Variants in CCDC171 observed in about 807,000 individuals in gnomAD.
CCDC171 encodes the protein coiled-coil domain-containing protein 171.
A neutral mutation model predicts 168.2 loss-of-function variants in CCDC171; 177 were observed. That is an observed-to-expected ratio of 1.05 (90% CI 0.93 to 1.19). The LOEUF is 1.19. Ranked by LOEUF, CCDC171 falls within the 50% of genes most tolerant of loss-of-function variation. The pLI, the probability that CCDC171 is intolerant of heterozygous loss-of-function variation, is 0.00. For synonymous variants in CCDC171, 687 were observed against 540.8 expected, an observed-to-expected ratio of 1.27 and a Z score of -3.75; for missense variants, 1,991 against 1,539.0, an observed-to-expected ratio of 1.29 and a Z score of -4.91.
intron 21 of CCDC171, among the ~76,000 whole-genome samples, chr9:15,811,378 A>G (rs1296509757): frequency 1.3e-5 from 2 of 152,230 alleles, no homozygotes; most frequent in African/African-American, 2.4e-5. Context: ...ATAGTATAGA[A>G]AAAAGTGGAA....
intron 18 of CCDC171, among the ~76,000 whole-genome samples, chr9:15,752,548 G>T (rs1483991943): frequency 1.3e-5 from 2 of 152,154 alleles, no homozygotes; most frequent in Admixed American, 1.3e-4. Flanking sequence ...GTACACCATG[G>T]AATACTATGC....
At chr9:15,577,636 C>T (rs542822046) in intron 3 of CCDC171, among the ~76,000 whole-genome samples, 4 of 152,174 alleles carry the variant, frequency 2.6e-5, no homozygotes, top group Non-Finnish European at 5.9e-5. Context: ...AGAAACCATT[C>T]TAAGTCTTAA....
intron 18 of CCDC171, among the ~76,000 whole-genome samples, chr9:15,754,170 G>T (rs933338065): frequency 3.9e-5 from 6 of 152,184 alleles, no homozygotes; most frequent in Non-Finnish European, 4.4e-5. Flanking sequence ...ATATAGTCAT[G>T]TGGAGTTTCC....
chr9:15,796,569 A>T (rs1475636150), intron 21 of CCDC171, among the ~76,000 whole-genome samples: 7 of 152,214 alleles, frequency 4.6e-5, no homozygotes, highest in African/African-American at 1.7e-4. Flanking sequence ...AAATATATAT[A>T]GCTCAGTGCC....
intron 25 of CCDC171, among the ~76,000 whole-genome samples, chr9:15,929,821 A>G (rs1181098547): frequency 6.6e-6 from 1 of 151,734 alleles, no homozygotes; most frequent in Non-Finnish European, 1.5e-5. Context: ...GATTTCTCAT[A>G]TTCTAGAAAC....
At chr9:16,080,158 C>G in the CCDC171 span, among the ~76,000 whole-genome samples, 1 of 152,202 alleles carries the variant, frequency 6.6e-6, no homozygotes, top group Non-Finnish European at 1.5e-5. Flanking sequence ...CCCTCTCAGG[C>G]ACTCTCCACT....
intron 21 of CCDC171, among the ~76,000 whole-genome samples, chr9:15,793,747 C>G (rs1276739622): frequency 1.3e-5 from 2 of 151,676 alleles, no homozygotes; most frequent in Non-Finnish European, 2.9e-5. Flanking sequence ...CAGTGTTTCA[C>G]CATATTGGCT....
intron 6 of CCDC171, among the ~76,000 whole-genome samples, chr9:16,035,279 A>G (rs532024515): frequency 6.6e-6 from 1 of 152,362 alleles, no homozygotes; most frequent in Admixed American, 6.5e-5. Flanking sequence ...TTAATACATA[A>G]TTAACATGGA....
chr9:15,629,072 A>C (rs2045442918), intron 7 of CCDC171, among the ~76,000 whole-genome samples: 1 of 152,274 alleles, frequency 6.6e-6, no homozygotes, highest in East Asian at 1.9e-4. Context: ...AAAACCACAA[A>C]GATGGGGAAA....
intron 3 of CCDC171, among the ~76,000 whole-genome samples, chr9:15,979,907 C>T (rs1349417885): frequency 6.9e-6 from 1 of 145,746 alleles, no homozygotes; most frequent in African/African-American, 2.6e-5. Context: ...TCATCTTGGC[C>T]TGAGCTTTTC....
intron 24 of CCDC171, among the ~76,000 whole-genome samples, chr9:15,906,423 A>G (rs1822617060): frequency 6.6e-6 from 1 of 152,246 alleles, no homozygotes; most frequent in Non-Finnish European, 1.5e-5. Flanking sequence ...AACAAAATCC[A>G]TATGATTATC....
At chr9:15,781,601 CAG>C (rs1056169737) in intron 20 of CCDC171, among the ~76,000 whole-genome samples, 3 of 151,976 alleles carry the variant, frequency 2.0e-5, no homozygotes, top group African/African-American at 4.8e-5. Context: ...TTAGTAGAGA[CAG>C]GGTTTCACCA....
At chr9:15,963,982 C>T (rs889537327) in intron 25 of CCDC171, among the ~76,000 whole-genome samples, 1 of 152,172 alleles carries the variant, frequency 6.6e-6, no homozygotes, top group Admixed American at 6.5e-5. Flanking sequence ...TCCTTCTTTG[C>T]TCCATCCTCC....
intron 24 of CCDC171, among the ~76,000 whole-genome samples, chr9:15,905,090 A>G (rs528584304): frequency 0.011 from 1,627 of 152,294 alleles, 26 homozygotes; most frequent in African/African-American, 0.037. Context: ...TTAACACCCC[A>G]CTGTCAACAT....
intron 21 of CCDC171, among the ~76,000 whole-genome samples, chr9:15,845,038 C>G (rs796323188): frequency 3.3e-5 from 5 of 152,148 alleles, no homozygotes; most frequent in African/African-American, 1.2e-4. Context: ...TTATCCATAA[C>G]TGGTGTTGGA....
Position 15,651,766 on chromosome 9 carries a change from T to C in CCDC171, c.823-5361T>C, listed in dbSNP as rs113759697. ...ATTCATTTGTTGATGGACACCTAGGTTGATTACATACCTTTGCTATTGTGA... is the reference window on the plus strand; with the variant it reads ...ATTCATTTGTTGATGGACACCTAGGCTGATTACATACCTTTGCTATTGTGA... On this transcript the variant is annotated intron_variant, in intron 7 of 25. Transcript: ENST00000380701. 3.3e-5 allele frequency among the ~76,000 whole-genome samples: 5 copies of C among 152,330 alleles called. 1 individual carries two copies. The highest frequency in any genetic ancestry group is 1.2e-4 in the African/African-American group (5 of 41,582).
At chr9:15,996,009 G>T (rs1832358949) in intron 3 of CCDC171, among the ~76,000 whole-genome samples, 1 of 152,070 alleles carries the variant, frequency 6.6e-6, no homozygotes, top group African/African-American at 2.4e-5. Context: ...TGTTTCTTCA[G>T]GTCCTATACA....
the CCDC171 span, among the ~76,000 whole-genome samples, chr9:16,087,737 CCATTTA>C: frequency 6.6e-6 from 1 of 151,770 alleles, no homozygotes; most frequent in Admixed American, 6.6e-5. Context: ...GGCATTTAGC[CCATTTA>C]CATTTAAGGT....
At chr9:15,888,668 A>G (rs1271928887) in intron 24 of CCDC171, among the ~76,000 whole-genome samples, 2 of 152,144 alleles carry the variant, frequency 1.3e-5, no homozygotes, top group African/African-American at 2.4e-5. Context: ...CTCTAGTAAA[A>G]TATGACCCTA....
Sources: allele counts gnomAD v4.1 joint callset (sites outside exome capture counted in the v4.1 genomes callset), GRCh38; gene constraint gnomAD v4.1.1; transcripts MANE v1.5; gene names NCBI Gene and HGNC (gene_info 2026-07-23, HGNC 2026-07-21).